OR1J2: variants seen among roughly 807,000 people sequenced by gnomAD.
OR1J2 encodes olfactory receptor family 1 subfamily J member 2, also known as olfactory receptor 1J2.
For missense variants in OR1J2, 304 were observed against 246.1 expected, an observed-to-expected ratio of 1.24 and a Z score of -1.57; for synonymous variants, 142 against 99.7, an observed-to-expected ratio of 1.42 and a Z score of -2.52.
the OR1J2 span, chr9:122,527,242 G>A: frequency 0.5 from 812,020 of 1,611,988 alleles, 216,213 homozygotes; most frequent in East Asian, 0.89. Flanking sequence ...TGCTCTGGAG[G>A]CGCTGATATT....
At chr9:122,448,371 G>A in the OR1J2 span, among the ~76,000 whole-genome samples, 1 of 152,152 alleles carries the variant, frequency 6.6e-6, no homozygotes. Context: ...TCCTACCTCA[G>A]AATAGAACAA....
At chr9:122,551,877 C>G in the OR1J2 span, among the ~76,000 whole-genome samples, 1 of 152,104 alleles carries the variant, frequency 6.6e-6, no homozygotes, top group African/African-American at 2.4e-5. Flanking sequence ...CTAATAAACT[C>G]TGGACTCAAT....
chr9:122,504,849 A>G, the OR1J2 span, among the ~76,000 whole-genome samples: 8 of 152,046 alleles, frequency 5.3e-5, no homozygotes, highest in Admixed American at 3.3e-4. Context: ...TGTCTATTCA[A>G]TCTGCCCACT....
At chr9:122,479,163 C>T in the OR1J2 span, among the ~76,000 whole-genome samples, 3,368 of 152,256 alleles carry the variant, frequency 0.022, 55 homozygotes, top group Non-Finnish European at 0.035. Flanking sequence ...CTCTTGGGGA[C>T]GCAGCGGTGA....
At chr9:122,556,989 G>C in the OR1J2 span, among the ~76,000 whole-genome samples, 1 of 152,018 alleles carries the variant, frequency 6.6e-6, no homozygotes. Flanking sequence ...ACAAATTGGG[G>C]GCTGCTAGTG....
At chr9:122,570,906 A>T in the OR1J2 span, among the ~76,000 whole-genome samples, 3 of 152,320 alleles carry the variant, frequency 2.0e-5, no homozygotes, top group East Asian at 5.8e-4. Context: ...GGCATATGTT[A>T]TTACTGTTGC....
At chr9:122,504,459 T>C in the OR1J2 span, among the ~76,000 whole-genome samples, 78 of 152,320 alleles carry the variant, frequency 5.1e-4, no homozygotes, top group Non-Finnish European at 8.1e-4. Flanking sequence ...TATCTAGTCA[T>C]TTGATAAATT....
upstream of OR1J2, among the ~76,000 whole-genome samples, chr9:122,508,866 G>A (rs1050806424): frequency 6.6e-6 from 1 of 152,210 alleles, no homozygotes; most frequent in African/African-American, 2.4e-5. Flanking sequence ...ATGGGTATCA[G>A]TGGGTTAAAA....
At chr9:122,478,010 G>A in the OR1J2 span, 1 of 900,746 alleles carries the variant, frequency 1.1e-6, no homozygotes, top group Non-Finnish European at 1.7e-6. Flanking sequence ...CTGTGGCATA[G>A]TATAATAGAG....
the OR1J2 span, chr9:122,553,026 CTT>C: frequency 1.6e-5 from 11 of 675,866 alleles, no homozygotes; most frequent in East Asian, 2.7e-4. Flanking sequence ...CTAAATGTCT[CTT>C]GGGTATTTCC....
At chr9:122,553,037 C>G in the OR1J2 span, 1 of 696,668 alleles carries the variant, frequency 1.4e-6, no homozygotes, top group Non-Finnish European at 2.5e-6. Context: ...TTGGGTATTT[C>G]CTTGCATTCC....
At chr9:122,529,730 C>T in the OR1J2 span, among the ~76,000 whole-genome samples, 1 of 150,894 alleles carries the variant, frequency 6.6e-6, no homozygotes. Context: ...GCAATCCTTC[C>T]CTCTGTCATC....
the OR1J2 span, among the ~76,000 whole-genome samples, chr9:122,562,399 C>T: frequency 6.6e-6 from 1 of 152,230 alleles, no homozygotes; most frequent in Non-Finnish European, 1.5e-5. Flanking sequence ...AGCTGAGTGG[C>T]TATTGAGAAT....
chr9:122,516,300 CTTTTTTT>C (rs1278693220), downstream of OR1J2, among the ~76,000 whole-genome samples: 1 of 104,162 alleles, frequency 9.6e-6, no homozygotes, highest in African/African-American at 3.9e-5. Flanking sequence ...CATACATGGT[CTTTTTTT>C]TTTTTTTTTT....
rs771217384 is a variant in OR1J2 at position 122,511,636 on chromosome 9, A to C, written c.835A>C (p.Thr279Pro). The change falls in exon 1 of 1, where the codon ACG becomes CCG. Residue 279 changes from threonine to proline, a missense_variant. Coordinates refer to ENST00000335302, the MANE Select transcript of OR1J2 (RefSeq NM_054107.1). ...GGATGTCATTGTGGCTCTCATGTAC[A>C]CGGTGGTCACACCCATGTTGAACCC... ...DKDVIVALMYTVVTPMLNPFI... is the reference protein window; with the variant it reads ...DKDVIVALMYPVVTPMLNPFI... 1.3e-6 allele frequency: 1 copy of C among 781,080 alleles called. No homozygotes were observed. The highest frequency in any genetic ancestry group is 2.4e-6 in the Non-Finnish European group (1 of 418,142). The allele number at this position is 781,080 out of a possible 1,614,324, so 48.4% of individuals were successfully genotyped here. A position where few individuals can be genotyped will look rare whatever the true frequency, so the allele number is the denominator to read the frequency against.
chr9:122,454,703 A>G, the OR1J2 span, among the ~76,000 whole-genome samples: 1 of 152,182 alleles, frequency 6.6e-6, no homozygotes, highest in Non-Finnish European at 1.5e-5. Flanking sequence ...ATTACCAGGT[A>G]GAAGGCATAG....
At chr9:122,450,280 A>G in the OR1J2 span, among the ~76,000 whole-genome samples, 1 of 152,006 alleles carries the variant, frequency 6.6e-6, no homozygotes, top group South Asian at 2.1e-4. Context: ...AAAATACAAA[A>G]ATTAGCTGCG....
the OR1J2 span, among the ~76,000 whole-genome samples, chr9:122,496,986 C>G: frequency 2.6e-5 from 4 of 152,066 alleles, no homozygotes; most frequent in Non-Finnish European, 4.4e-5. Context: ...AAAGACTCAC[C>G]CTGCTCCCAC....
At chr9:122,519,295 A>T in the OR1J2 span, 2 of 1,613,094 alleles carry the variant, frequency 1.2e-6, no homozygotes, top group Non-Finnish European at 1.7e-6. Context: ...ATCCGGCTGG[A>T]CTCTCACCTT....
Sources: gnomAD v4.1 joint callset for allele counts (sites outside exome capture counted in the v4.1 genomes callset) on GRCh38, gnomAD v4.1.1 for gene constraint, MANE v1.5 for transcripts, NCBI Gene and HGNC (gene_info 2026-07-23, HGNC 2026-07-21) for gene names.